The following PDLIM5 variants were observed in gnomAD, a reference collection of about 807,000 sequenced individuals.
The protein encoded by PDLIM5 is PDZ and LIM domain 5, also known as PDZ and LIM domain protein 5.
In PDLIM5, 34 loss-of-function variants were observed where a neutral mutation model predicts 64.2. The ratio of observed to expected loss-of-function variants is 0.53; its 90% CI spans 0.40 to 0.71. The LOEUF is 0.71. Ranked by LOEUF, PDLIM5 falls within the 30% of genes least tolerant of loss-of-function variation. The pLI, the probability that PDLIM5 is intolerant of heterozygous loss-of-function variation, is 0.00. For missense variants in PDLIM5, 683 were observed against 733.6 expected, an observed-to-expected ratio of 0.93 and a Z score of 0.80; for synonymous variants, 253 against 269.1, an observed-to-expected ratio of 0.94 and a Z score of 0.59.
chr4:94,580,271 A>G (rs896600214), intron 5 of PDLIM5, among the ~76,000 whole-genome samples: 1 of 152,124 alleles, frequency 6.6e-6, no homozygotes. Context: ...ACGTGTACTA[A>G]AAGTTTTTTT....
intron 2 of PDLIM5, among the ~76,000 whole-genome samples, chr4:94,499,566 A>G (rs1336614367): frequency 6.6e-6 from 1 of 152,266 alleles, no homozygotes; most frequent in East Asian, 1.9e-4. Flanking sequence ...AAGCATGACA[A>G]GTAATCCAGA....
intron 5 of PDLIM5, chr4:94,579,266 A>G (rs1560716925): frequency 3.9e-6 from 1 of 254,036 alleles, no homozygotes; most frequent in Non-Finnish European, 7.6e-6. Flanking sequence ...GGGACTTTAT[A>G]TTTCAAACTG....
chr4:94,527,046 C>CTTTTTTTTTTTTT (rs57625095), intron 3 of PDLIM5, among the ~76,000 whole-genome samples: 2 of 57,810 alleles, frequency 3.5e-5, no homozygotes, highest in African/African-American at 7.2e-5. Context: ...GAACAGCATT[C>CTTTTTTTTTTTTT]TTTTTTTTTT....
chr4:94,453,804 C>T (rs1231887928), intron 1 of PDLIM5, among the ~76,000 whole-genome samples: 5 of 152,178 alleles, frequency 3.3e-5, no homozygotes. Context: ...TGACTTCCGG[C>T]TTGGCCTTTG....
chr4:94,529,769 T>A (rs923834650), intron 3 of PDLIM5, among the ~76,000 whole-genome samples: 3 of 152,160 alleles, frequency 2.0e-5, no homozygotes, highest in African/African-American at 7.2e-5. Flanking sequence ...AAAACATATT[T>A]TTTTCCTGGC....
chr4:94,637,603 C>T (rs1740675617), intron 8 of PDLIM5, among the ~76,000 whole-genome samples: 1 of 152,096 alleles, frequency 6.6e-6, no homozygotes, highest in Non-Finnish European at 1.5e-5. Flanking sequence ...AATAATTGCA[C>T]AAGTTGAGTA....
In PDLIM5 at chr4:94,667,753, T is replaced by C. The variant is rs1270326970; in HGVS notation, c.*3686T>C. On this transcript the variant is annotated 3_prime_UTR_variant, in exon 13 of 13. Transcript: ENST00000317968. Reference sequence around the variant, plus strand: ...AATAACAGCTCAAATCTTCAAAATATTACTATAGCATTATGTTTAAAATAA... The same window carrying C: ...AATAACAGCTCAAATCTTCAAAATACTACTATAGCATTATGTTTAAAATAA... 2 of 152,178 alleles carry C rather than the reference T, an allele frequency of 1.3e-5. No homozygotes were observed. Among genetic ancestry groups the C allele is most frequent in the Non-Finnish European group, 2.9e-5 (2 of 68,034 alleles). 9.4% of individuals were successfully genotyped at this position (152,178 alleles called of 1,614,324 possible). A position where few individuals can be genotyped will look rare whatever the true frequency, so the allele number is the denominator to read the frequency against.
chr4:94,579,259 A>G (rs1380895330), intron 5 of PDLIM5: 3 of 246,334 alleles, frequency 1.2e-5, no homozygotes, highest in Non-Finnish European at 2.3e-5. Context: ...GCCAAATGGG[A>G]CTTTATATTT....
chr4:94,534,759 A>G (rs1731174733), intron 3 of PDLIM5, among the ~76,000 whole-genome samples: 1 of 152,202 alleles, frequency 6.6e-6, no homozygotes, highest in African/African-American at 2.4e-5. Context: ...CTTCAAGAAT[A>G]TCATATTTGT....
intron 2 of PDLIM5, among the ~76,000 whole-genome samples, chr4:94,479,700 C>T (rs1725687156): frequency 6.6e-6 from 1 of 152,022 alleles, no homozygotes; most frequent in Admixed American, 6.6e-5. Context: ...TTAGATTATT[C>T]CATTTTAAGA....
intron 3 of PDLIM5, among the ~76,000 whole-genome samples, chr4:94,544,072 T>G (rs1560691538): frequency 6.6e-6 from 1 of 152,130 alleles, no homozygotes; most frequent in African/African-American, 2.4e-5. Flanking sequence ...TTTCCTCACA[T>G]CCTCACCAAC....
Position 94,573,407 on chromosome 4 carries a change from C to G in PDLIM5, c.291+14C>G. 6.3e-7 allele frequency: 1 copy of G among 1,599,656 alleles called. No individual in the cohort carries two copies. The highest frequency in any genetic ancestry group is 8.6e-7 in the Non-Finnish European group (1 of 1,167,156). The stretch of plus-strand genomic sequence containing the variant: ...CCTGTTCAAAAGGTGTGTTTTTAAG[C>G]TAGCACCCAGAGTATCACTTGATTG... On this transcript the variant is annotated intron_variant, in intron 4 of 12. Coordinates refer to ENST00000317968, the MANE Select transcript of PDLIM5 (RefSeq NM_006457.5).
intron 2 of PDLIM5, among the ~76,000 whole-genome samples, chr4:94,459,953 G>A (rs544771996): frequency 1.3e-5 from 2 of 152,260 alleles, no homozygotes; most frequent in East Asian, 1.9e-4. Context: ...CCCTCCTACC[G>A]GAAGACAGAA....
At chr4:94,608,882 T>C (rs559655225) in intron 7 of PDLIM5, among the ~76,000 whole-genome samples, 5 of 152,276 alleles carry the variant, frequency 3.3e-5, no homozygotes, top group South Asian at 2.1e-4. Context: ...CTTTTCTCTC[T>C]CCAGACCCTG....
chr4:94,482,176 AT>A (rs1353330059), intron 2 of PDLIM5, among the ~76,000 whole-genome samples: 1 of 144,688 alleles, frequency 6.9e-6, no homozygotes. Flanking sequence ...TTATTTATTT[AT>A]TTTTTTTAAA....
intron 11 of PDLIM5, among the ~76,000 whole-genome samples, chr4:94,660,043 C>T (rs1029144613): frequency 1.1e-4 from 17 of 151,666 alleles, no homozygotes; most frequent in African/African-American, 4.1e-4. Context: ...TTACAGGCAC[C>T]TGTCACCACT....
chr4:94,493,688 G>A (rs1727075841), intron 2 of PDLIM5, among the ~76,000 whole-genome samples: 1 of 152,090 alleles, frequency 6.6e-6, no homozygotes. Context: ...AAACCAAGAG[G>A]TATAATTATT....
At chr4:94,601,860 A>G (rs1376215671) in intron 7 of PDLIM5, among the ~76,000 whole-genome samples, 2 of 152,234 alleles carry the variant, frequency 1.3e-5, no homozygotes, top group Non-Finnish European at 2.9e-5. Context: ...TAGTTGATTT[A>G]GTTTTCCAGA....
intron 3 of PDLIM5, among the ~76,000 whole-genome samples, chr4:94,570,135 G>A (rs7697149): frequency 0.4 from 60,374 of 151,756 alleles, 12,756 homozygotes; most frequent in South Asian, 0.68. Flanking sequence ...AATTAGATAT[G>A]CTTAGAGAAG....
Sources: gnomAD v4.1 joint callset for allele counts (sites outside exome capture counted in the v4.1 genomes callset) on GRCh38, gnomAD v4.1.1 for gene constraint, MANE v1.5 for transcripts, NCBI Gene and HGNC (gene_info 2026-07-23, HGNC 2026-07-21) for gene names.